Variants in LRP1B observed in about 807,000 individuals in gnomAD.
LRP1B encodes the protein LDL receptor related protein 1B.
LRP1B carries 217 observed loss-of-function variants against 556.6 expected under a neutral mutation model. The observed-to-expected ratio is 0.39, with a 90% CI of 0.35 to 0.44. LRP1B has a LOEUF of 0.44. Ranked by LOEUF, LRP1B falls within the 20% of genes least tolerant of loss-of-function variation. LRP1B has a pLI of 1.00. For missense variants in LRP1B, 5,053 were observed against 5,620.8 expected (o/e 0.90, Z 3.23); for synonymous variants, 2,047 against 1,865.8 (o/e 1.10, Z -2.50).
intron 10 of LRP1B, among the ~76,000 whole-genome samples, chr2:141,054,482 A>G (rs994326720): frequency 2.6e-5 from 4 of 152,054 alleles, no homozygotes; most frequent in Non-Finnish European, 5.9e-5. Context: ...CATTTTTAAA[A>G]TCCTTTTTAC....
rs2105446420 is a variant in LRP1B at position 140,709,378 on chromosome 2, A to T, written c.6023+6595T>A. 2.0e-5 allele frequency among the ~76,000 whole-genome samples: 3 copies of T among 152,068 alleles called. No homozygotes were observed. In the South Asian group the frequency reaches 6.2e-4, roughly 32 times the overall value. ...AAAATTATTACATTTCAATTTTCAC[A>T]AAGCAAGTAATACCAGAGGAGGAGC... On this transcript the variant is annotated intron_variant, in intron 37 of 90. Coordinates refer to ENST00000389484, the MANE Select transcript of LRP1B (RefSeq NM_018557.3).
chr2:141,944,584 A>C (rs906620582), intron 1 of LRP1B, among the ~76,000 whole-genome samples: 1 of 152,164 alleles, frequency 6.6e-6, no homozygotes, highest in East Asian at 1.9e-4. Context: ...CTGCAAATCA[A>C]ATACTGCCTC....
intron 3 of LRP1B, among the ~76,000 whole-genome samples, chr2:141,470,019 G>A (rs1468574066): frequency 6.6e-6 from 1 of 152,010 alleles, no homozygotes; most frequent in South Asian, 2.1e-4. Context: ...TTTATCATAG[G>A]TATGCATGTA....
chr2:140,238,402 A>G (rs963580455), intron 88 of LRP1B, 106 bp from the exon 89 acceptor site: 33 of 583,332 alleles, frequency 5.7e-5, no homozygotes, highest in Non-Finnish European at 8.2e-5. Context: ...AATAAATTGA[A>G]TAAATGACAT....
chr2:140,702,753 A>T (rs1686695561), intron 37 of LRP1B, among the ~76,000 whole-genome samples, 200 bp from the exon 38 acceptor site: 1 of 152,068 alleles, frequency 6.6e-6, no homozygotes, highest in Non-Finnish European at 1.5e-5. Context: ...AGTCATACAA[A>T]TCATAGGATG....
At chr2:141,709,848 C>T (rs909023096) in intron 2 of LRP1B, among the ~76,000 whole-genome samples, 1 of 152,160 alleles carries the variant, frequency 6.6e-6, no homozygotes, top group Non-Finnish European at 1.5e-5. Flanking sequence ...TTATAAGTAA[C>T]AGAAAGTTAT....
intron 41 of LRP1B, among the ~76,000 whole-genome samples, chr2:140,619,059 G>C (rs1683358018): frequency 7.1e-6 from 1 of 141,676 alleles, no homozygotes; most frequent in Non-Finnish European, 1.5e-5. Flanking sequence ...GAATCTGATG[G>C]TATGTATATC....
chr2:141,416,708 G>T (rs1167916824), intron 3 of LRP1B, among the ~76,000 whole-genome samples: 1 of 151,980 alleles, frequency 6.6e-6, no homozygotes, highest in Non-Finnish European at 1.5e-5. Context: ...ACTCACCTTG[G>T]CCTCCCAAAG....
chr2:141,460,641 A>G (rs1681832284), intron 3 of LRP1B, among the ~76,000 whole-genome samples: 1 of 152,188 alleles, frequency 6.6e-6, no homozygotes, highest in South Asian at 2.1e-4. Context: ...CAATATTTGG[A>G]ATAAGAGAAA....
intron 2 of LRP1B, among the ~76,000 whole-genome samples, chr2:141,554,940 G>A (rs1236900012): frequency 6.6e-6 from 1 of 151,874 alleles, no homozygotes; most frequent in Non-Finnish European, 1.5e-5. Context: ...AGTTCTTCAG[G>A]TGATGTTAAT....
chr2:141,044,273 G>C (rs1404693541), intron 11 of LRP1B, among the ~76,000 whole-genome samples: 1 of 151,428 alleles, frequency 6.6e-6, no homozygotes, highest in East Asian at 1.9e-4. Flanking sequence ...ATCAATTCAA[G>C]GTGGATTAAA....
chr2:142,115,554 T>TA (rs1559079668), intron 1 of LRP1B, among the ~76,000 whole-genome samples: 949 of 20,146 alleles, frequency 0.047, 184 homozygotes, highest in East Asian at 0.099. Flanking sequence ...AATATATATA[T>TA]TATATATGTA....
intron 3 of LRP1B, among the ~76,000 whole-genome samples, chr2:141,457,107 AG>A (rs1681664515): frequency 6.6e-6 from 1 of 152,194 alleles, no homozygotes; most frequent in Non-Finnish European, 1.5e-5. Context: ...GAACTAAGTC[AG>A]GAGGAGTTTG....
intron 7 of LRP1B, among the ~76,000 whole-genome samples, chr2:141,112,515 G>T (rs1377709250): frequency 6.6e-6 from 1 of 152,100 alleles, no homozygotes; most frequent in African/African-American, 2.4e-5. Flanking sequence ...AATAAGCTTT[G>T]TTCAAGCACG....
chr2:141,925,878 C>T (rs1288021412), intron 1 of LRP1B, among the ~76,000 whole-genome samples: 1 of 152,090 alleles, frequency 6.6e-6, no homozygotes, highest in African/African-American at 2.4e-5. Flanking sequence ...TGTAGGATGG[C>T]CTTAGCAAAG....
Position 141,020,879 on chromosome 2 carries a change from A to G in LRP1B, c.1790-777T>C, listed in dbSNP as rs543335299. Among the ~76,000 whole-genome samples, 584 of 152,140 alleles carry G rather than the reference A, an allele frequency of 3.8e-3. 1 individual carries two copies. Among genetic ancestry groups the G allele is most frequent in the Admixed American group, 6.0e-3 (91 of 15,254 alleles). Reference sequence around the variant, plus strand: ...CTATTATCATTCACGAAGCAGTAGCAATTGGATAAATATCCAAGCCTTATG... The same window carrying G: ...CTATTATCATTCACGAAGCAGTAGCGATTGGATAAATATCCAAGCCTTATG... On this transcript the variant is annotated intron_variant, in intron 11 of 90. Coordinates refer to ENST00000389484, the MANE Select transcript of LRP1B (RefSeq NM_018557.3).
At chr2:142,125,700 A>AC (rs1707619930) in intron 1 of LRP1B, among the ~76,000 whole-genome samples, 1 of 151,830 alleles carries the variant, frequency 6.6e-6, no homozygotes, top group Non-Finnish European at 1.5e-5. Context: ...ATGTCTCTAG[A>AC]CAATGGTTTG....
intron 15 of LRP1B, among the ~76,000 whole-genome samples, chr2:141,005,051 CA>C (rs929659440): frequency 3.9e-5 from 6 of 151,980 alleles, no homozygotes; most frequent in African/African-American, 1.4e-4. Context: ...TTTTAGTTGC[CA>C]CTGCTTATAG....
intron 41 of LRP1B, among the ~76,000 whole-genome samples, chr2:140,615,715 T>C (rs112217889): frequency 2.0e-5 from 3 of 152,124 alleles, no homozygotes; most frequent in African/African-American, 7.2e-5. Context: ...ATCCCTGAAA[T>C]TCCATTTGCT....
Sources: allele counts gnomAD v4.1 joint callset (sites outside exome capture counted in the v4.1 genomes callset), GRCh38; gene constraint gnomAD v4.1.1; transcripts MANE v1.5; gene names NCBI Gene and HGNC (gene_info 2026-07-23, HGNC 2026-07-21).